Variants in PTCD1 observed in about 807,000 individuals in gnomAD.
PTCD1 encodes the protein pentatricopeptide repeat domain 1.
A neutral mutation model predicts 53.4 loss-of-function variants in PTCD1; 50 were observed. The ratio of observed to expected loss-of-function variants is 0.94; its 90% CI spans 0.75 to 1.19. The LOEUF is 1.19. Ranked by LOEUF, PTCD1 falls within the 50% of genes most tolerant of loss-of-function variation. The probability of loss-of-function intolerance (pLI) is 0.00; values close to 1 mark genes in which losing one functional copy is unlikely to be tolerated. For missense variants in PTCD1, 918 were observed against 904.8 expected (o/e 1.01, Z -0.19); for synonymous variants, 413 against 394.8 (o/e 1.05, Z -0.55).
chr7:99,426,066 A>G (rs1796001449), intron 5 of PTCD1, among the ~76,000 whole-genome samples: 1 of 151,568 alleles, frequency 6.6e-6, no homozygotes, highest in Non-Finnish European at 1.5e-5. Flanking sequence ...GTGTCTCAAA[A>G]CAACTGTAAA....
chr7:99,428,955 G>A, intron 5 of PTCD1, 148 bp downstream of exon 5: 1 of 944,516 alleles, frequency 1.1e-6, no homozygotes, highest in Non-Finnish European at 1.6e-6. Flanking sequence ...TCTGTAGAAT[G>A]GAGGCTACAG....
In PTCD1 at chr7:99,433,289, G is replaced by A; in HGVS notation, c.583C>T (p.Leu195Phe). The change falls in exon 3 of 8, where the codon CTC (leucine) becomes TTC (phenylalanine). Residue 195 changes from leucine (L) to phenylalanine (F), a missense_variant. Leu to Phe is a conservative substitution (Grantham distance 22, BLOSUM62 0). Coordinates refer to ENST00000292478, the MANE Select transcript of PTCD1 (RefSeq NM_015545.4). Reference sequence around the variant, plus strand: ...GCGCCCACATGCACCTGGTTGTAGAGGTTGAAGGCCTTCTTCAGGTAGCCA... The same window carrying A: ...GCGCCCACATGCACCTGGTTGTAGAAGTTGAAGGCCTTCTTCAGGTAGCCA... ...RVGYLKKAFNLYNQMKKRDLE... is the reference protein window; with the variant it reads ...RVGYLKKAFNFYNQMKKRDLE... The A allele has an allele frequency of 1.2e-6, 2 of 1,614,168 alleles. No individual in the cohort carries two copies. The highest frequency in any genetic ancestry group is 1.1e-5 in the South Asian group (1 of 91,080).
chr7:99,419,313 G>T lies in PTCD1; in HGVS notation c.*654C>A. 6.5e-7 allele frequency: 1 copy of T among 1,542,114 alleles called. No individual in the cohort carries two copies. Among genetic ancestry groups the T allele is most frequent in the South Asian group, 1.1e-5 (1 of 89,700 alleles). On this transcript the variant is annotated 3_prime_UTR_variant, in exon 8 of 8. Transcript: ENST00000292478. ...ATGGCATGGTGGCAGGTCCTTCGTGGGAGGGTTGCCACATATGTGAGTGTG... is the reference window on the plus strand; with the variant it reads ...ATGGCATGGTGGCAGGTCCTTCGTGTGAGGGTTGCCACATATGTGAGTGTG...
chr7:99,431,029 C>T (rs928005985), intron 3 of PTCD1, among the ~76,000 whole-genome samples: 4 of 151,784 alleles, frequency 2.6e-5, no homozygotes, highest in Non-Finnish European at 2.9e-5. Flanking sequence ...GAGCCGAGGT[C>T]GCACCACTGC....
intron 3 of PTCD1, among the ~76,000 whole-genome samples, chr7:99,432,718 C>T (rs138919686): frequency 3.9e-5 from 6 of 152,178 alleles, no homozygotes; most frequent in East Asian, 1.9e-4. Context: ...CTCAGTCTCT[C>T]GTCCCACCTG....
chr7:99,423,721 G>A (rs13235845), intron 7 of PTCD1, 54 bp downstream of exon 7: 2 of 1,611,352 alleles, frequency 1.2e-6, no homozygotes, highest in Non-Finnish European at 1.7e-6. Flanking sequence ...GTGGTGGGGG[G>A]AGGGGGTAGC....
intron 5 of PTCD1, among the ~76,000 whole-genome samples, chr7:99,428,402 CAAAAAAAA>C (rs531899998): frequency 1.8e-5 from 1 of 54,956 alleles, no homozygotes; most frequent in Non-Finnish European, 3.9e-5. Flanking sequence ...GACTCCATCT[CAAAAAAAA>C]AAAAAAAAAA....
At chr7:99,430,173 A>C (rs776901011) in intron 3 of PTCD1, among the ~76,000 whole-genome samples, 1 of 152,256 alleles carries the variant, frequency 6.6e-6, no homozygotes, top group Non-Finnish European at 1.5e-5. Context: ...CGGGCAAGTT[A>C]GCACTTCCTC....
Position 99,417,267 on chromosome 7 carries a change from G to C in PTCD1, c.*2700C>G, listed in dbSNP as rs1795545135. 2 of 633,798 alleles carry C rather than the reference G, an allele frequency of 3.2e-6. No homozygotes were observed. Among genetic ancestry groups the C allele is most frequent in the Non-Finnish European group, 5.5e-6 (2 of 364,176 alleles). 39.3% of individuals were successfully genotyped at this position (633,798 alleles called of 1,614,324 possible). ...GGGGTTTTACCATGTTGGCCGGGCT[G>C]GTCCTGAACTCCTGACCTCAGGTGA... On this transcript the variant is annotated 3_prime_UTR_variant, in exon 8 of 8. Coordinates refer to ENST00000292478, the MANE Select transcript of PTCD1 (RefSeq NM_015545.4).
chr7:99,431,598 G>T (rs2150957752), intron 3 of PTCD1, among the ~76,000 whole-genome samples: 1 of 152,198 alleles, frequency 6.6e-6, no homozygotes, highest in East Asian at 2.0e-4. Context: ...AATGAGCCAG[G>T]CATGGTGGCA....
At chr7:99,427,588 C>G (rs1796101187) in intron 5 of PTCD1, among the ~76,000 whole-genome samples, 1 of 152,166 alleles carries the variant, frequency 6.6e-6, no homozygotes, top group African/African-American at 2.4e-5. Flanking sequence ...CCGGCCACCA[C>G]CCCGTCTGGG....
In PTCD1 at chr7:99,433,373, C is replaced by T; in HGVS notation, c.499G>A (p.Glu167Lys). Reference protein sequence around the residue: ...DLFERQMLKEERLQPMESNYT... With the variant: ...DLFERQMLKEKRLQPMESNYT... Reference sequence around the variant, plus strand: ...TTGCTCTCCATGGGCTGCAATCGCTCCTCCTTCAGCATCTGCCTCTCAAAC... The same window carrying T: ...TTGCTCTCCATGGGCTGCAATCGCTTCTCCTTCAGCATCTGCCTCTCAAAC... The change falls in exon 3 of 8, where the codon GAG (glutamate) becomes AAG (lysine). Residue 167 changes from glutamate (E) to lysine (K), a missense_variant. Glu to Lys is a moderately conservative substitution (Grantham distance 56). Coordinates refer to ENST00000292478, the MANE Select transcript of PTCD1 (RefSeq NM_015545.4). 6.2e-7 allele frequency: 1 copy of T among 1,614,200 alleles called. No homozygotes were observed. Among genetic ancestry groups the T allele is most frequent in the Non-Finnish European group, 8.5e-7 (1 of 1,180,038 alleles).
chr7:99,420,070 G>T lies in PTCD1; in HGVS notation c.2000C>A (p.Ala667Glu). The T allele has an allele frequency of 1.2e-6, 2 of 1,614,216 alleles. No homozygotes were observed. Among genetic ancestry groups the T allele is most frequent in the Non-Finnish European group, 1.7e-6 (2 of 1,180,032 alleles). Residue 667 changes from alanine (A) to glutamate (E), a missense_variant, in exon 8 of 8, where the codon GCA (alanine) becomes GAA (glutamate). By Grantham distance (107) the Ala-to-Glu change is moderately radical. Transcript: ENST00000292478. Reference protein sequence around the residue: ...YYKQWLTVMPAEETPHPWQKF... With the variant: ...YYKQWLTVMPEEETPHPWQKF... ...CTGCCAGGGGTGCGGGGTTTCCTCT[G>T]CGGGCATCACTGTCAGCCACTGCTT...
intron 3 of PTCD1, among the ~76,000 whole-genome samples, chr7:99,432,752 AG>A: frequency 6.6e-6 from 1 of 152,140 alleles, no homozygotes; most frequent in South Asian, 2.1e-4. Context: ...ACAGGTGTGG[AG>A]GGGCTGGCCC....
chr7:99,428,742 G>A (rs913470475), intron 5 of PTCD1, among the ~76,000 whole-genome samples: 22 of 152,010 alleles, frequency 1.4e-4, no homozygotes, highest in African/African-American at 5.3e-4. Flanking sequence ...CAAAATAAAT[G>A]AATGAATGAA....
Position 99,423,684 on chromosome 7 carries a change from A to G in PTCD1, c.1920+91T>C, listed in dbSNP as rs989596169. ...TGGACAGTTTCAAGCATGGCAACACAATCCCAAGGGCCAGAACCGGGGTTG... is the reference window on the plus strand; with the variant it reads ...TGGACAGTTTCAAGCATGGCAACACGATCCCAAGGGCCAGAACCGGGGTTG... On this transcript the variant is annotated intron_variant, in intron 7 of 7. Transcript: ENST00000292478. 3.1e-6 allele frequency: 5 copies of G among 1,602,828 alleles called. No individual in the cohort carries two copies. In the African/African-American group the frequency reaches 6.7e-5, roughly 21 times the overall value.
intron 7 of PTCD1, among the ~76,000 whole-genome samples, chr7:99,420,777 T>C (rs1470167902): frequency 2.0e-5 from 3 of 151,980 alleles, no homozygotes; most frequent in African/African-American, 7.3e-5. Context: ...GCCAGCATGG[T>C]GAAACTCCAT....
intron 1 of PTCD1, among the ~76,000 whole-genome samples, chr7:99,437,594 C>T (rs916381629): frequency 6.6e-6 from 1 of 152,164 alleles, no homozygotes. Flanking sequence ...TGAGCCACCG[C>T]GCCCGGCCGA....
intron 7 of PTCD1, 152 bp from the exon 8 acceptor site, chr7:99,420,301 A>T (rs757190947): frequency 5.4e-6 from 6 of 1,104,970 alleles, no homozygotes; most frequent in Non-Finnish European, 8.0e-6. Context: ...GTGAACACGC[A>T]CTATGGGACT....
Sources: allele counts gnomAD v4.1 joint callset (sites outside exome capture counted in the v4.1 genomes callset), GRCh38; gene constraint gnomAD v4.1.1; transcripts MANE v1.5; gene names NCBI Gene and HGNC (gene_info 2026-07-23, HGNC 2026-07-21).